GPM6B: variants seen among roughly 807,000 people sequenced by gnomAD.
GPM6B encodes neuronal membrane glycoprotein M6-b.
A neutral mutation model predicts 27.2 loss-of-function variants in GPM6B; 4 were observed. The observed-to-expected ratio is 0.15, with a 90% CI of 0.07 to 0.34. The LOEUF is 0.34. Among genes scored for constraint, GPM6B ranks in the 10% least tolerant of loss-of-function variants. GPM6B has a pLI of 1.00. For missense variants in GPM6B, 183 were observed against 261.9 expected (o/e 0.70, Z 2.08); for synonymous variants, 124 against 103.1 (o/e 1.20, Z -1.23).
Position 13,826,250 on chromosome X carries a change from A to C in GPM6B, c.-197-40442T>G, listed in dbSNP as rs146759084. Reference sequence around the variant, plus strand: ...TGAGTAGGGCTGAGTTTCCAGGGGCACAGAGACCCTAGGGAGGTAGAGTGA... The same window carrying C: ...TGAGTAGGGCTGAGTTTCCAGGGGCCCAGAGACCCTAGGGAGGTAGAGTGA... On this transcript the variant is annotated intron_variant, in intron 1 of 6. Coordinates refer to the GPM6B transcript ENST00000398361. Among the ~76,000 whole-genome samples, 7 of 110,687 alleles carry C rather than the reference A, an allele frequency of 6.3e-5. No homozygotes were observed. In the East Asian group the frequency reaches 2.0e-3, roughly 31 times the overall value.
intron 1 of GPM6B, among the ~76,000 whole-genome samples, chrX:13,931,467 T>C (rs191537484): frequency 1.8e-4 from 19 of 106,489 alleles, no homozygotes; most frequent in African/African-American, 5.5e-4. Flanking sequence ...CAGCCTGGGC[T>C]ACAGAGTGAG....
At chrX:13,918,520 A>G (rs2050448693) in intron 1 of GPM6B, among the ~76,000 whole-genome samples, 1 of 112,521 alleles carries the variant, frequency 8.9e-6, no homozygotes, top group South Asian at 3.7e-4. Context: ...TTACCTGGGA[A>G]AGATGATATA....
At chrX:13,796,621 CAACT>C (rs972561992) in intron 2 of GPM6B, among the ~76,000 whole-genome samples, 2 of 112,142 alleles carry the variant, frequency 1.8e-5, no homozygotes, top group African/African-American at 6.5e-5. Context: ...CATAAAAGTT[CAACT>C]ACATAACGAT....
At chrX:13,788,624 T>C (rs942510051) in intron 2 of GPM6B, among the ~76,000 whole-genome samples, 3 of 109,906 alleles carry the variant, frequency 2.7e-5, no homozygotes, top group Non-Finnish European at 5.7e-5. Flanking sequence ...GGTTAGGTGT[T>C]ATGGTGCAGC....
At chrX:13,781,814 G>A (rs1457949088) in intron 4 of GPM6B, among the ~76,000 whole-genome samples, 1 of 111,857 alleles carries the variant, frequency 8.9e-6, no homozygotes, top group Non-Finnish European at 1.9e-5. Context: ...GGCCCATGTT[G>A]TCCGGACCTC....
chrX:13,881,146 T>G (rs753240608), intron 1 of GPM6B, among the ~76,000 whole-genome samples: 36 of 112,311 alleles, frequency 3.2e-4, no homozygotes, highest in African/African-American at 1.1e-3. Context: ...CTTGTCTACC[T>G]TGCCCACCAC....
At chrX:13,824,561 T>G (rs2049349417) in intron 1 of GPM6B, among the ~76,000 whole-genome samples, 2 of 111,691 alleles carry the variant, frequency 1.8e-5, no homozygotes, top group South Asian at 7.6e-4. Context: ...TTAGGAAAAT[T>G]GTCCAGAGGG....
chrX:13,886,936 C>A (rs1489232970), intron 1 of GPM6B, among the ~76,000 whole-genome samples: 3 of 110,082 alleles, frequency 2.7e-5, no homozygotes, highest in Non-Finnish European at 5.7e-5. Flanking sequence ...CCTCCCTCAG[C>A]CTCCCGAGTA....
chrX:13,865,542 C>CAAAAAAAAAAAAAAAAAAAAAAAAAAAAA (rs1171503867), intron 1 of GPM6B, among the ~76,000 whole-genome samples: 9 of 14,618 alleles, frequency 6.2e-4, no homozygotes, highest in Non-Finnish European at 1.1e-3. Flanking sequence ...TCCATCTCTT[C>CAAAAAAAAAAAAAAAAAAAAAAAAAAAAA]AAAAAAAAAA....
intron 1 of GPM6B, among the ~76,000 whole-genome samples, chrX:13,914,279 TC>T (rs1464433632): frequency 8.9e-6 from 1 of 112,275 alleles, no homozygotes; most frequent in Non-Finnish European, 1.9e-5. Flanking sequence ...TTCACTGTTT[TC>T]CAATATCTAC....
At chrX:13,841,688 T>C (rs747484243) in intron 1 of GPM6B, among the ~76,000 whole-genome samples, 1 of 111,687 alleles carries the variant, frequency 9.0e-6, no homozygotes, top group South Asian at 3.8e-4. Context: ...TCTACTTCTA[T>C]GTTCTCCCAC....
chrX:13,799,919 C>G (rs898720758), intron 2 of GPM6B, among the ~76,000 whole-genome samples: 4 of 111,647 alleles, frequency 3.6e-5, no homozygotes, highest in African/African-American at 1.3e-4. Flanking sequence ...GACACCACCC[C>G]CAATGATCCC....
chrX:13,926,641 T>C (rs1921227079), intron 1 of GPM6B, among the ~76,000 whole-genome samples: 1 of 111,895 alleles, frequency 8.9e-6, no homozygotes, highest in Non-Finnish European at 1.9e-5. Flanking sequence ...AGTACAGATA[T>C]AGATATTATC....
At position 13,847,940 on chromosome X, in the gene GPM6B, G is replaced by T. The variant is rs181860100; in HGVS notation, c.-197-62132C>A. ...GAAAGGAAGTATTAAGAGATAAGTC[G>T]AGAAGACCAGAATGTGATGGCTCTC... On this transcript the variant is annotated intron_variant, in intron 1 of 6. Transcript: ENST00000398361. Among the ~76,000 whole-genome samples the T allele has an allele frequency of 5.8e-3, 651 of 111,809 alleles. 7 individuals are homozygous for T. Among genetic ancestry groups the T allele is most frequent in the African/African-American group, 0.02 (618 of 30,806 alleles).
intron 1 of GPM6B, among the ~76,000 whole-genome samples, chrX:13,930,282 G>C (rs1464385421): frequency 8.9e-6 from 1 of 111,740 alleles, no homozygotes; most frequent in Non-Finnish European, 1.9e-5. Context: ...TATTGATCAA[G>C]AAAAATAATG....
intron 1 of GPM6B, among the ~76,000 whole-genome samples, chrX:13,842,766 T>A (rs1381318306): frequency 9.0e-6 from 1 of 111,339 alleles, no homozygotes. Flanking sequence ...CCCAAACACA[T>A]CAGCCTTAAG....
chrX:13,861,059 T>TAC (rs1440688988), intron 1 of GPM6B, among the ~76,000 whole-genome samples: 1 of 106,566 alleles, frequency 9.4e-6, no homozygotes, highest in African/African-American at 3.5e-5. Context: ...TACATATATA[T>TAC]ACACATACAT....
At chrX:13,861,121 CACAT>C (rs1470707738) in intron 1 of GPM6B, among the ~76,000 whole-genome samples, 5 of 100,608 alleles carry the variant, frequency 5.0e-5, no homozygotes, top group Middle Eastern at 5.1e-3. Context: ...CATATATATA[CACAT>C]ACATATATAT....
chrX:13,778,141 C>T (rs962613216), intron 5 of GPM6B, among the ~76,000 whole-genome samples: 10 of 108,874 alleles, frequency 9.2e-5, no homozygotes, highest in Non-Finnish European at 7.6e-5. Context: ...CCTCCACCTC[C>T]CGGGTTCAAG....
Sources: gnomAD v4.1 joint callset for allele counts (sites outside exome capture counted in the v4.1 genomes callset) on GRCh38, gnomAD v4.1.1 for gene constraint, MANE v1.5 for transcripts, NCBI Gene and HGNC (gene_info 2026-07-23, HGNC 2026-07-21) for gene names.